Variants in LNX1 observed in about 807,000 individuals in gnomAD.
LNX1 encodes the protein ligand of numb-protein X 1.
Under a neutral mutation model 68.4 loss-of-function variants are expected in LNX1, and 54 were observed. That is an observed-to-expected ratio of 0.79 (90% CI 0.63 to 0.99). LNX1 has a LOEUF of 0.99. Among genes scored for constraint, LNX1 ranks in the 50% least tolerant of loss-of-function variants. The pLI is 0.00. For synonymous variants in LNX1, 336 were observed against 350.0 expected (o/e 0.96, Z 0.45); for missense variants, 906 against 926.4 (o/e 0.98, Z 0.29).
At chr4:53,617,679 C>G (rs544641502), upstream of LNX1, among the ~76,000 whole-genome samples, 1 of 152,168 alleles carries the variant, frequency 6.6e-6, no homozygotes, top group Non-Finnish European at 1.5e-5. Flanking sequence ...CTGTAAATGT[C>G]TCTCTTGTTT....
At chr4:53,609,572 T>G (rs1014844461) in intron 2 of LNX1, among the ~76,000 whole-genome samples, 1 of 146,506 alleles carries the variant, frequency 6.8e-6, no homozygotes, top group African/African-American at 2.5e-5. Context: ...ATATATAAAA[T>G]AATATATAGT....
intron 2 of LNX1, among the ~76,000 whole-genome samples, chr4:53,538,073 C>T (rs1214275051): frequency 6.6e-6 from 1 of 152,212 alleles, no homozygotes; most frequent in African/African-American, 2.4e-5. Flanking sequence ...CAATTGGTTT[C>T]AACCAACCAT....
intron 4 of LNX1, among the ~76,000 whole-genome samples, chr4:53,506,295 C>T (rs1400520499): frequency 3.9e-5 from 6 of 152,178 alleles, no homozygotes; most frequent in African/African-American, 1.4e-4. Flanking sequence ...ATCTAAATGA[C>T]TTAAAACACT....
chr4:53,515,515 C>A (rs1049020925), intron 2 of LNX1, among the ~76,000 whole-genome samples: 3 of 137,676 alleles, frequency 2.2e-5, no homozygotes, highest in South Asian at 5.4e-4. Flanking sequence ...AGGCCCCCAC[C>A]CCACCAAAAA....
chr4:53,622,555 A>G (rs1733924473), intron 1 of LNX1, among the ~76,000 whole-genome samples: 1 of 152,222 alleles, frequency 6.6e-6, no homozygotes, highest in Non-Finnish European at 1.5e-5. Context: ...ACATCTGAAG[A>G]GAAAATCTGG....
intron 2 of LNX1, among the ~76,000 whole-genome samples, chr4:53,529,502 C>A (rs1194295191): frequency 1.3e-5 from 2 of 152,154 alleles, no homozygotes; most frequent in Admixed American, 6.6e-5. Context: ...GAAATGAGAA[C>A]AAAAGTCTAG....
chr4:53,462,659 TTGAAA>T (rs1722254633), intron 9 of LNX1, among the ~76,000 whole-genome samples: 1 of 152,160 alleles, frequency 6.6e-6, no homozygotes, highest in African/African-American at 2.4e-5. Context: ...ATGTTTTCAC[TTGAAA>T]TAAAATGAGC....
Position 53,624,014 on chromosome 4 carries a change from T to G in LNX1, c.-215+28154A>C, listed in dbSNP as rs543309248. Among the ~76,000 whole-genome samples the G allele has an allele frequency of 2.0e-5, 3 of 152,304 alleles. No individual in the cohort carries two copies. The East Asian group carries it at 5.8e-4, about 29-fold the overall frequency. ...AGGTTTTTGTGATGCTGGGTTTTCA[T>G]GTAACCCAAGCTCTTAACTCCATCC... On this transcript the variant is annotated intron_variant, in intron 1 of 2. Coordinates refer to the LNX1 transcript ENST00000507168.
At chr4:53,618,572 A>G (rs1282775785), upstream of LNX1, among the ~76,000 whole-genome samples, 1 of 152,150 alleles carries the variant, frequency 6.6e-6, no homozygotes, top group Non-Finnish European at 1.5e-5. Context: ...TGTAAAGGAA[A>G]ACACCCATCT....
chr4:53,536,835 A>G (rs1401024839), intron 2 of LNX1, among the ~76,000 whole-genome samples: 3 of 152,248 alleles, frequency 2.0e-5, no homozygotes. Flanking sequence ...TTTAAATAAC[A>G]CAAAAGACAT....
intron 9 of LNX1, among the ~76,000 whole-genome samples, chr4:53,475,146 G>T (rs10007903): frequency 6.6e-4 from 100 of 152,148 alleles, no homozygotes; most frequent in African/African-American, 2.3e-3. Flanking sequence ...AAAGACATTC[G>T]CTTGGTTGTA....
At chr4:53,575,580 CT>C (rs1731430391) in intron 1 of LNX1, 1 of 1,275,876 alleles carries the variant, frequency 7.8e-7, no homozygotes, top group African/African-American at 1.5e-5. Flanking sequence ...TCTGGGTCAA[CT>C]TTCATGGTGA....
intron 9 of LNX1, among the ~76,000 whole-genome samples, chr4:53,465,530 C>T (rs1221988019): frequency 6.6e-6 from 1 of 152,200 alleles, no homozygotes; most frequent in Non-Finnish European, 1.5e-5. Flanking sequence ...TCTGGGGAGC[C>T]AGTACTCCAG....
chr4:53,635,289 C>T (rs1448145664), intron 1 of LNX1, among the ~76,000 whole-genome samples: 3 of 152,166 alleles, frequency 2.0e-5, no homozygotes, highest in African/African-American at 7.2e-5. Flanking sequence ...AAAGCACTGA[C>T]GTTGTTTGAA....
At chr4:53,463,408 T>G (rs1240399579) in intron 9 of LNX1, among the ~76,000 whole-genome samples, 5 of 152,030 alleles carry the variant, frequency 3.3e-5, no homozygotes, top group Admixed American at 2.6e-4. Flanking sequence ...GTATTTAACT[T>G]TATTGCCGCA....
At chr4:53,471,504 A>G (rs1391259819) in intron 9 of LNX1, among the ~76,000 whole-genome samples, 1 of 152,244 alleles carries the variant, frequency 6.6e-6, no homozygotes, top group Non-Finnish European at 1.5e-5. Flanking sequence ...ATCTAATTAA[A>G]TGAAAGAGCT....
chr4:53,547,793 G>A (rs1729211539), intron 2 of LNX1, among the ~76,000 whole-genome samples: 1 of 152,080 alleles, frequency 6.6e-6, no homozygotes. Context: ...ATAAGAAGAA[G>A]GAGTCAGAAA....
chr4:53,563,050 C>CA (rs1344892714), intron 2 of LNX1, among the ~76,000 whole-genome samples: 1 of 151,960 alleles, frequency 6.6e-6, no homozygotes, highest in Non-Finnish European at 1.5e-5. Flanking sequence ...ACTTAAAATA[C>CA]AAAAAATTAG....
chr4:53,476,819 G>T lies in LNX1; in HGVS notation c.1826C>A (p.Ser609Tyr). The T allele has an allele frequency of 6.2e-7, 1 of 1,614,196 alleles. No individual in the cohort carries two copies. The highest frequency in any genetic ancestry group is 1.3e-5 in the African/African-American group (1 of 75,046). The change falls in exon 9 of 11, where the codon TCC becomes TAC. Residue 609 changes from serine to tyrosine, a missense_variant. Physicochemically the swap from Ser to Tyr is moderately radical, Grantham distance 144. Coordinates refer to ENST00000263925, the MANE Select transcript of LNX1 (RefSeq NM_001126328.3). ...ACTGGGTGGGGCCATGTTGTGGTTG[G>T]AGTCCAGGGCTGCTGGGCTGCTGCA... The part of the protein sequence containing the change: ...EDCSSPAALD[S>Y]NHNMAPPSDW...
Sources: allele counts gnomAD v4.1 joint callset (sites outside exome capture counted in the v4.1 genomes callset), GRCh38; gene constraint gnomAD v4.1.1; transcripts MANE v1.5; gene names NCBI Gene and HGNC (gene_info 2026-07-23, HGNC 2026-07-21).